Variants in DKK2 observed in about 807,000 individuals in gnomAD.
DKK2 encodes dickkopf Wnt signaling pathway inhibitor 2, also known as dickkopf-related protein 2.
Under a neutral mutation model 28.1 loss-of-function variants are expected in DKK2, and 11 were observed. That is an observed-to-expected ratio of 0.39 (90% CI 0.25 to 0.65). The LOEUF is 0.65. DKK2 is among the 30% of genes least tolerant of loss of function. DKK2 has a pLI of 0.47. For synonymous variants in DKK2, 135 were observed against 126.5 expected, an observed-to-expected ratio of 1.07 and a Z score of -0.45; for missense variants, 326 against 335.5, an observed-to-expected ratio of 0.97 and a Z score of 0.22.
At chr4:106,984,150 T>C (rs369338644) in intron 1 of DKK2, among the ~76,000 whole-genome samples, 2 of 152,224 alleles carry the variant, frequency 1.3e-5, no homozygotes, top group Non-Finnish European at 2.9e-5. Context: ...CAAAAACCTA[T>C]GTACAAATGT....
intron 1 of DKK2, among the ~76,000 whole-genome samples, chr4:106,936,951 G>T (rs1476411629): frequency 6.6e-6 from 1 of 151,832 alleles, no homozygotes; most frequent in Middle Eastern, 3.2e-3. Context: ...TGCCCTAAAA[G>T]AGCTCCTGAA....
chr4:107,015,643 T>C lies in DKK2; in HGVS notation c.222+19727A>G, dbSNP rs139141946. On this transcript the variant is annotated intron_variant, in intron 1 of 3. Coordinates refer to ENST00000285311, the MANE Select transcript of DKK2 (RefSeq NM_014421.3). ...GTTCAAATACCACTTTTTCCCACAT[T>C]GTTACCCAATGTTTTCCAGCATGAC... 5.2e-3 allele frequency among the ~76,000 whole-genome samples: 795 copies of C among 151,880 alleles called. 5 individuals are homozygous for C. The highest frequency in any genetic ancestry group is 0.018 in the African/African-American group (754 of 41,534).
intron 1 of DKK2, 42 bp from the exon 2 acceptor site, chr4:106,925,991 C>G (rs556870686): frequency 6.5e-7 from 1 of 1,548,442 alleles, no homozygotes; most frequent in Admixed American, 2.1e-5. Context: ...AGGATTAGAT[C>G]GTGTTTCACT....
At chr4:106,962,175 A>G (rs971844168) in intron 1 of DKK2, among the ~76,000 whole-genome samples, 11 of 152,210 alleles carry the variant, frequency 7.2e-5, no homozygotes, top group Admixed American at 7.2e-4. Context: ...AATGTTGTCA[A>G]CAGTAGAAAT....
intron 1 of DKK2, among the ~76,000 whole-genome samples, chr4:106,987,711 A>G (rs777668866): frequency 6.6e-6 from 1 of 151,684 alleles, no homozygotes; most frequent in Non-Finnish European, 1.5e-5. Flanking sequence ...CTGGGGCTGG[A>G]TGGCTTCATA....
chr4:106,940,440 A>G (rs1232584091), intron 1 of DKK2, among the ~76,000 whole-genome samples: 3 of 151,246 alleles, frequency 2.0e-5, no homozygotes, highest in African/African-American at 7.3e-5. Flanking sequence ...AATGGCAATC[A>G]TTAAAAAGTC....
rs2158064 is a variant in DKK2, at chr4:106,982,185, T to G, written c.222+53185A>C. On this transcript the variant is annotated intron_variant, in intron 1 of 3. Coordinates refer to ENST00000285311, the MANE Select transcript of DKK2 (RefSeq NM_014421.3). ...TTCGTTTATTTCGTTGGTTATTTTA[T>G]TTGTCTATCACTAGACTGGAATCTC... Among the ~76,000 whole-genome samples the G allele has an allele frequency of 5.9e-3, 899 of 152,360 alleles. 13 individuals carry two copies. The highest frequency in any genetic ancestry group is 0.021 in the African/African-American group (857 of 41,586).
intron 1 of DKK2, among the ~76,000 whole-genome samples, chr4:107,024,810 C>G (rs921324151): frequency 6.6e-6 from 1 of 152,122 alleles, no homozygotes; most frequent in Admixed American, 6.6e-5. Context: ...AAAAAATAGG[C>G]TAACAAGGTT....
chr4:106,974,806 C>T (rs1418718446), intron 1 of DKK2, among the ~76,000 whole-genome samples: 1 of 152,118 alleles, frequency 6.6e-6, no homozygotes, highest in African/African-American at 2.4e-5. Flanking sequence ...GAGAAGGCAT[C>T]CTTTTCTTGT....
intron 1 of DKK2, among the ~76,000 whole-genome samples, chr4:106,991,576 T>A (rs889606039): frequency 1.3e-5 from 2 of 152,158 alleles, no homozygotes; most frequent in East Asian, 1.9e-4. Flanking sequence ...AACCTACATT[T>A]CTAAAGTCCT....
intron 1 of DKK2, among the ~76,000 whole-genome samples, chr4:107,031,972 TTTTAA>T (rs1416714202): frequency 2.6e-5 from 4 of 151,954 alleles, no homozygotes; most frequent in African/African-American, 4.8e-5. Flanking sequence ...TTGAAATTAC[TTTTAA>T]TTTAGAACAT....
At chr4:106,955,538 G>T (rs1722578440) in intron 1 of DKK2, among the ~76,000 whole-genome samples, 1 of 151,932 alleles carries the variant, frequency 6.6e-6, no homozygotes, top group South Asian at 2.1e-4. Context: ...ATTCACCACA[G>T]TCTCCCTTTT....
chr4:106,978,553 A>G (rs1023433667), intron 1 of DKK2, among the ~76,000 whole-genome samples: 7 of 151,958 alleles, frequency 4.6e-5, no homozygotes, highest in African/African-American at 1.7e-4. Context: ...GGGGAAAACC[A>G]CCTACTCAAG....
intron 1 of DKK2, among the ~76,000 whole-genome samples, chr4:106,973,161 C>G (rs986211839): frequency 1.3e-5 from 2 of 152,182 alleles, no homozygotes; most frequent in African/African-American, 4.8e-5. Context: ...TGGGTTGGTT[C>G]CAAGTCTCTG....
intron 1 of DKK2, among the ~76,000 whole-genome samples, chr4:107,014,790 T>C (rs1280396996): frequency 6.6e-6 from 1 of 151,186 alleles, no homozygotes; most frequent in Non-Finnish European, 1.5e-5. Context: ...AATTAGTCAA[T>C]TATAAACAAA....
Position 107,035,763 on chromosome 4 carries a change from C to T in DKK2, c.-172G>A, listed in dbSNP as rs2110247301. ...GGACCCTATGAACTCAGTCTCACGC[C>T]TCAGGACAGAAATTAGCGGAACCCA... On this transcript the variant is annotated 5_prime_UTR_variant, in exon 1 of 4. Coordinates refer to ENST00000285311, the MANE Select transcript of DKK2 (RefSeq NM_014421.3). 1.6e-6 allele frequency: 1 copy of T among 639,098 alleles called. No individual in the cohort carries two copies. The highest frequency in any genetic ancestry group is 1.9e-5 in the South Asian group (1 of 51,614). 39.6% of individuals were successfully genotyped at this position (639,098 alleles called of 1,614,324 possible). A position where few individuals can be genotyped will look rare whatever the true frequency, so the allele number is the denominator to read the frequency against.
At chr4:107,003,238 AG>A (rs1434231450) in intron 1 of DKK2, among the ~76,000 whole-genome samples, 1 of 152,194 alleles carries the variant, frequency 6.6e-6, no homozygotes, top group Non-Finnish European at 1.5e-5. Context: ...AACTATACTG[AG>A]GAACACTTGC....
intron 1 of DKK2, among the ~76,000 whole-genome samples, chr4:106,971,539 A>G (rs1243702605): frequency 1.3e-5 from 2 of 152,074 alleles, no homozygotes; most frequent in Non-Finnish European, 2.9e-5. Flanking sequence ...AGAAATGCTA[A>G]GTGATGCTTT....
At chr4:106,940,868 A>T (rs1724686565) in intron 1 of DKK2, among the ~76,000 whole-genome samples, 1 of 152,110 alleles carries the variant, frequency 6.6e-6, no homozygotes. Flanking sequence ...AACAAAAACC[A>T]AACACCGCAT....
Sources: gnomAD v4.1 joint callset for allele counts (sites outside exome capture counted in the v4.1 genomes callset) on GRCh38, gnomAD v4.1.1 for gene constraint, MANE v1.5 for transcripts, NCBI Gene and HGNC (gene_info 2026-07-23, HGNC 2026-07-21) for gene names.